WWOX: variants seen among roughly 807,000 people sequenced by gnomAD.
WWOX encodes the protein WW domain-containing oxidoreductase.
In WWOX, 69 loss-of-function variants were observed where a neutral mutation model predicts 46.2. The ratio of observed to expected loss-of-function variants is 1.49; its 90% CI spans 1.23 to 1.82. The LOEUF is 1.82. Ranked by LOEUF, WWOX falls within the 40% of genes most tolerant of loss-of-function variation. The probability of loss-of-function intolerance (pLI) is 0.00; values close to 1 mark genes in which losing one functional copy is unlikely to be tolerated. For missense variants in WWOX, 919 were observed against 542.6 expected, an observed-to-expected ratio of 1.69 and a Z score of -6.89; for synonymous variants, 359 against 202.6, an observed-to-expected ratio of 1.77 and a Z score of -6.56.
intron 8 of WWOX, among the ~76,000 whole-genome samples, chr16:78,745,308 C>G (rs2049322992): frequency 1.3e-5 from 2 of 152,162 alleles, no homozygotes; most frequent in Admixed American, 6.5e-5. Context: ...CCGCCTTCCT[C>G]CACCTCTGCC....
At chr16:79,056,852 T>A (rs1269035919) in intron 8 of WWOX, among the ~76,000 whole-genome samples, 1 of 152,228 alleles carries the variant, frequency 6.6e-6, no homozygotes, top group Non-Finnish European at 1.5e-5. Flanking sequence ...GTCATAGGAA[T>A]AGTTCAAAGC....
At chr16:78,547,993 A>C (rs2044081817) in intron 8 of WWOX, among the ~76,000 whole-genome samples, 2 of 151,916 alleles carry the variant, frequency 1.3e-5, no homozygotes, top group Non-Finnish European at 2.9e-5. Context: ...CTTTTCTAAA[A>C]ACATTTTAAA....
intron 8 of WWOX, among the ~76,000 whole-genome samples, chr16:78,882,742 G>C (rs1157526008): frequency 6.6e-6 from 1 of 151,492 alleles, no homozygotes; most frequent in Non-Finnish European, 1.5e-5. Context: ...ACCCGCTTCA[G>C]CCTCTTAAAA....
At chr16:78,926,577 C>T (rs949907780) in intron 8 of WWOX, among the ~76,000 whole-genome samples, 2 of 152,160 alleles carry the variant, frequency 1.3e-5, no homozygotes, top group South Asian at 2.1e-4. Context: ...ACGTACACTT[C>T]TTTGCTGTTG....
intron 8 of WWOX, among the ~76,000 whole-genome samples, chr16:78,814,117 T>C (rs753315433): frequency 1.3e-5 from 2 of 152,194 alleles, no homozygotes; most frequent in Non-Finnish European, 2.9e-5. Flanking sequence ...CAGTGTGTCA[T>C]TGCAGGAGAA....
rs531553870 is a variant in WWOX, at chr16:78,964,916, C to G, written c.1057-246692C>G. ...GCTGTGGCTTCAGAGGGTGGAAGCC[C>G]CAAGCCTTGGCAGCCTCCATGTGGT... On this transcript the variant is annotated intron_variant, in intron 8 of 8. Transcript: ENST00000566780. Among the ~76,000 whole-genome samples the G allele has an allele frequency of 5.9e-5, 9 of 152,328 alleles. No individual in the cohort carries two copies. In the East Asian group the frequency reaches 1.7e-3, roughly 29 times the overall value.
intron 8 of WWOX, among the ~76,000 whole-genome samples, chr16:78,864,965 G>A (rs144641262): frequency 1.4e-4 from 21 of 151,730 alleles, no homozygotes; most frequent in Admixed American, 8.5e-4. Flanking sequence ...GTTTTACCAT[G>A]TTGGCCAGGC....
chr16:78,721,462 C>T (rs554022860), intron 8 of WWOX, among the ~76,000 whole-genome samples: 1 of 152,154 alleles, frequency 6.6e-6, no homozygotes, highest in African/African-American at 2.4e-5. Context: ...AAAGTGTTCT[C>T]TAAAGTGTTC....
Position 78,350,735 on chromosome 16 carries a change from A to T in WWOX, c.517-36125A>T, listed in dbSNP as rs1391847232. On this transcript the variant is annotated intron_variant, in intron 5 of 8. Transcript: ENST00000566780. ...TGTAGGTTGTTTCCACATTTTGGCT[A>T]TTGTGCATAATGCTTCCAGGTACAC... is the stretch of plus-strand genomic sequence containing the variant. Among the ~76,000 whole-genome samples the T allele has an allele frequency of 2.5e-5, 3 of 120,796 alleles. 1 individual carries two copies. The highest frequency in any genetic ancestry group is 8.4e-5 in the African/African-American group (3 of 35,606). 79.2% of individuals were successfully genotyped at this position (120,796 alleles called of 152,430 possible). A position where few individuals can be genotyped will look rare whatever the true frequency, so the allele number is the denominator to read the frequency against.
At chr16:78,628,493 A>T (rs2046358525) in intron 8 of WWOX, among the ~76,000 whole-genome samples, 1 of 152,014 alleles carries the variant, frequency 6.6e-6, no homozygotes. Context: ...AAAAGTACCC[A>T]CCTAACAGAC....
Position 78,099,811 on chromosome 16 carries a change from C to T in WWOX, c.33C>T (p.Asp11=). 2.5e-6 allele frequency: 4 copies of T among 1,576,604 alleles called. No individual in the cohort carries two copies. Among genetic ancestry groups the T allele is most frequent in the Non-Finnish European group, 2.6e-6 (3 of 1,162,572 alleles). The change falls in exon 1 of 9, where the codon GAC becomes GAT. Residue 11 remains aspartate (D), a synonymous_variant. Coordinates refer to ENST00000566780, the MANE Select transcript of WWOX (RefSeq NM_016373.4). ...CGCTGCGCTACGCGGGGCTGGACGA[C>T]ACGGACAGTGAGGACGAGCTGCCTC... MAALRYAGLD[D]TDSEDELPPG...
rs562120380 is a variant in WWOX at position 78,963,564 on chromosome 16, T to C, written c.1057-248044T>C. Among the ~76,000 whole-genome samples the C allele has an allele frequency of 2.6e-5, 4 of 152,350 alleles. No homozygotes were observed. The South Asian group carries it at 8.3e-4, about 32-fold the overall frequency. ...TTAAGCAGGTGTGTCATCCTTGAAT[T>C]ACTGAATTAGAGTTCAGTATTTGCT... On this transcript the variant is annotated intron_variant, in intron 8 of 8. Transcript: ENST00000566780.
chr16:78,185,207 T>A (rs2035660865), intron 5 of WWOX, among the ~76,000 whole-genome samples: 1 of 152,300 alleles, frequency 6.6e-6, no homozygotes, highest in South Asian at 2.1e-4. Flanking sequence ...AACTGGACTA[T>A]CAGAGAATAG....
At chr16:78,531,337 A>G (rs1489670831) in intron 8 of WWOX, among the ~76,000 whole-genome samples, 2 of 152,184 alleles carry the variant, frequency 1.3e-5, no homozygotes, top group Non-Finnish European at 2.9e-5. Flanking sequence ...AGGATGAGAA[A>G]GAAGGCAGTG....
rs1207742970 is a variant in WWOX, at chr16:78,424,956, T to A, written c.692T>A (p.Val231Glu). 6.2e-7 allele frequency: 1 copy of A among 1,614,030 alleles called. No homozygotes were observed. Among genetic ancestry groups the A allele is most frequent in the Non-Finnish European group, 8.5e-7 (1 of 1,180,024 alleles). The change falls in exon 7 of 9, where the codon GTG (valine) becomes GAG (glutamate). Residue 231 changes from valine to glutamate, a missense_variant. Physicochemically the swap from Val to Glu is moderately radical, Grantham distance 121 (BLOSUM62 -2). Coordinates refer to ENST00000566780, the MANE Select transcript of WWOX (RefSeq NM_016373.4). ...TKDGLETTFQVNHLGHFYLVQ... is the reference protein window; with the variant it reads ...TKDGLETTFQENHLGHFYLVQ... ...GATGGCCTGGAGACCACCTTTCAAG[T>A]GAATCATCTGGGGCACTTCTACCTT...
chr16:79,196,057 T>C (rs1437341453), intron 8 of WWOX, among the ~76,000 whole-genome samples: 1 of 152,162 alleles, frequency 6.6e-6, no homozygotes. Flanking sequence ...TAGGAACCTG[T>C]TTGCATGTTC....
chr16:78,677,410 A>G (rs2047627246), intron 8 of WWOX, among the ~76,000 whole-genome samples: 1 of 152,224 alleles, frequency 6.6e-6, no homozygotes, highest in Non-Finnish European at 1.5e-5. Context: ...GAAAACTTGC[A>G]ATGGCTTGCC....
intron 5 of WWOX, among the ~76,000 whole-genome samples, chr16:78,335,597 G>A (rs1341272901): frequency 5.3e-5 from 8 of 152,098 alleles, no homozygotes; most frequent in Non-Finnish European, 8.8e-5. Context: ...CCATTACTGG[G>A]TATGTAACCA....
chr16:78,888,742 C>A (rs2044521733), intron 8 of WWOX, among the ~76,000 whole-genome samples: 1 of 152,136 alleles, frequency 6.6e-6, no homozygotes, highest in Non-Finnish European at 1.5e-5. Flanking sequence ...AAATACATTC[C>A]CCTAAAATAG....
Sources: gnomAD v4.1 joint callset for allele counts (sites outside exome capture counted in the v4.1 genomes callset) on GRCh38, gnomAD v4.1.1 for gene constraint, MANE v1.5 for transcripts, NCBI Gene and HGNC (gene_info 2026-07-23, HGNC 2026-07-21) for gene names.